Variants in SOX6 observed in about 807,000 individuals in gnomAD.
The protein encoded by SOX6 is SRY-box transcription factor 6, also known as transcription factor SOX-6.
A neutral mutation model predicts 97.8 loss-of-function variants in SOX6; 11 were observed. The observed-to-expected ratio is 0.11, with a 90% CI of 0.07 to 0.19. The LOEUF (loss-of-function observed/expected upper bound fraction) is 0.19, where lower values mean the gene tolerates loss of function less well. SOX6 is among the 10% of genes least tolerant of loss of function. The pLI is 1.00. For missense variants in SOX6, 810 were observed against 1,039.5 expected, an observed-to-expected ratio of 0.78 and a Z score of 3.04; for synonymous variants, 360 against 371.4, an observed-to-expected ratio of 0.97 and a Z score of 0.35.
intron 13 of SOX6, among the ~76,000 whole-genome samples, chr11:16,003,333 A>G: frequency 6.6e-6 from 1 of 152,014 alleles, no homozygotes; most frequent in East Asian, 1.9e-4. Flanking sequence ...CCATCTTGCA[A>G]TCACTCATTA....
At position 16,234,593 on chromosome 11, in the gene SOX6, C is replaced by T. The variant is rs1469055002; in HGVS notation, c.524G>A (p.Gly175Glu). The change falls in exon 4 of 16, where the codon GGA becomes GAA. Residue 175 changes from glycine to glutamate, a missense_variant. By Grantham distance (98) the Gly-to-Glu change is moderately conservative. This residue lies in a region of SOX6 where 110 missense variants were observed against 119.0 expected (regional missense o/e 0.92). Coordinates refer to ENST00000683767, the MANE Select transcript of SOX6 (RefSeq NM_001367873.1). ...MERLNTSELL[G>E]EIKGTPESLA... ...ATTTTATGTTGTACCTTTAATTTCTCCAAGAAGTTCACTGGTATTTAGTCT... is the reference window on the plus strand; with the variant it reads ...ATTTTATGTTGTACCTTTAATTTCTTCAAGAAGTTCACTGGTATTTAGTCT... The T allele has an allele frequency of 4.4e-6, 7 of 1,582,640 alleles. No homozygotes were observed. Among genetic ancestry groups the T allele is most frequent in the Non-Finnish European group, 6.1e-6 (7 of 1,155,158 alleles).
intron 2 of SOX6, among the ~76,000 whole-genome samples, chr11:16,333,797 A>G (rs1856380444): frequency 1.3e-5 from 2 of 152,110 alleles, no homozygotes; most frequent in African/African-American, 4.8e-5. Context: ...AATGCTATAG[A>G]CTCTAAGCTA....
At chr11:16,730,355 T>C (rs1848340289) in intron 2 of SOX6, among the ~76,000 whole-genome samples, 1 of 151,874 alleles carries the variant, frequency 6.6e-6, no homozygotes, top group African/African-American at 2.4e-5. Context: ...AGTAAAACAC[T>C]CCTCAGCAAA....
At chr11:16,034,704 A>T (rs1855472555) in intron 12 of SOX6, among the ~76,000 whole-genome samples, 1 of 152,360 alleles carries the variant, frequency 6.6e-6, no homozygotes, top group East Asian at 1.9e-4. Flanking sequence ...ACGAAGACTT[A>T]TACAGACAAC....
intron 3 of SOX6, among the ~76,000 whole-genome samples, chr11:16,689,219 A>T (rs1015304545): frequency 1.3e-5 from 2 of 152,132 alleles, no homozygotes; most frequent in African/African-American, 2.4e-5. Flanking sequence ...CCCTTTGCAG[A>T]TCTCTGGAGT....
At chr11:15,973,232 C>T in intron 15 of SOX6, 120 bp from the exon 16 acceptor site, 1 of 959,090 alleles carries the variant, frequency 1.0e-6, no homozygotes, top group Admixed American at 2.2e-5. Context: ...TGTTAAATAA[C>T]ATTCTAAGCA....
rs938466239 is a variant in SOX6 at position 16,613,145 on chromosome 11, G to A, written n.430-885C>T. On this transcript the variant is annotated intron_variant and non_coding_transcript_variant, in intron 3 of 5. Coordinates refer to the SOX6 transcript ENST00000524520. The surrounding 1 kb of genome is among the most constrained non-coding windows in gnomAD (Gnocchi z 4.6). ...GTGTTAGGCAGGAAAGCGCCTACGG[G>A]AAAAACAGCTGGGATGCAGACGGGC... The A allele has an allele frequency of 3.3e-5, 5 of 152,232 alleles. No homozygotes were observed. Among genetic ancestry groups the A allele is most frequent in the East Asian group, 1.9e-4 (1 of 5,178 alleles). 9.4% of individuals were successfully genotyped at this position (152,232 alleles called of 1,614,324 possible). A position where few individuals can be genotyped will look rare whatever the true frequency, so the allele number is the denominator to read the frequency against.
intron 9 of SOX6, among the ~76,000 whole-genome samples, chr11:16,088,654 T>C (rs1281490863): frequency 6.6e-6 from 1 of 152,196 alleles, no homozygotes; most frequent in Non-Finnish European, 1.5e-5. Flanking sequence ...AGTGTTAAGT[T>C]ATTCCAACAG....
chr11:16,524,140 C>T (rs1483542450), intron 4 of SOX6, among the ~76,000 whole-genome samples: 1 of 152,158 alleles, frequency 6.6e-6, no homozygotes, highest in African/African-American at 2.4e-5. Flanking sequence ...AGGACAGCAT[C>T]ATCCTGATAC....
chr11:16,640,759 CTCTT>C (rs1848897277), intron 3 of SOX6, among the ~76,000 whole-genome samples: 2 of 152,100 alleles, frequency 1.3e-5, no homozygotes, highest in African/African-American at 4.8e-5. Flanking sequence ...TGGTGATATT[CTCTT>C]TATCATTTTT....
chr11:16,374,116 A>G (rs757537749), intron 1 of SOX6, among the ~76,000 whole-genome samples: 1 of 152,100 alleles, frequency 6.6e-6, no homozygotes, highest in Non-Finnish European at 1.5e-5. Context: ...TAAGTCATAA[A>G]GCCAAATCTT....
At chr11:16,259,400 C>A (rs1271695164) in intron 3 of SOX6, among the ~76,000 whole-genome samples, 4 of 151,754 alleles carry the variant, frequency 2.6e-5, no homozygotes, top group Non-Finnish European at 5.9e-5. Context: ...AATTAAAATC[C>A]CAGTAAGTAT....
intron 6 of SOX6, among the ~76,000 whole-genome samples, chr11:16,125,450 T>C (rs1039893484): frequency 6.6e-6 from 1 of 152,088 alleles, no homozygotes. Flanking sequence ...GATCGATATA[T>C]ACAAACTGGC....
chr11:16,112,053 A>C (rs754385137), intron 6 of SOX6, 130 bp from the exon 7 acceptor site: 144 of 1,150,920 alleles, frequency 1.3e-4, no homozygotes, highest in Non-Finnish European at 1.7e-4. Context: ...CAAATCTGCA[A>C]TCTGAGAAAA....
At chr11:16,479,998 C>T (rs1860315186), upstream of SOX6, among the ~76,000 whole-genome samples, 1 of 151,970 alleles carries the variant, frequency 6.6e-6, no homozygotes, top group South Asian at 2.1e-4. Flanking sequence ...TATAACACTA[C>T]TCTGTAATTA....
At chr11:16,167,578 A>G (rs1234026816) in intron 6 of SOX6, among the ~76,000 whole-genome samples, 2 of 151,910 alleles carry the variant, frequency 1.3e-5, no homozygotes, top group African/African-American at 2.4e-5. Flanking sequence ...TCTTTCGTTC[A>G]CTCACTAAAA....
intron 3 of SOX6, among the ~76,000 whole-genome samples, chr11:16,238,939 C>T (rs1000177582): frequency 2.0e-4 from 31 of 151,978 alleles, no homozygotes; most frequent in African/African-American, 7.2e-4. Context: ...TCATAAATTT[C>T]AAATGTAATA....
At chr11:16,644,523 A>C (rs1176484263) in intron 3 of SOX6, among the ~76,000 whole-genome samples, 1 of 152,084 alleles carries the variant, frequency 6.6e-6, no homozygotes, top group African/African-American at 2.4e-5. Context: ...AATTCCTATT[A>C]AAATTTCTTT....
chr11:16,178,590 TC>T (rs1174695739), intron 6 of SOX6, among the ~76,000 whole-genome samples: 1 of 151,956 alleles, frequency 6.6e-6, no homozygotes, highest in Non-Finnish European at 1.5e-5. Flanking sequence ...ATCCTAGACT[TC>T]TAAGCTTTGT....
Sources: allele counts gnomAD v4.1 joint callset (sites outside exome capture counted in the v4.1 genomes callset), GRCh38; gene constraint gnomAD v4.1.1; regional missense constraint gnomAD v4.1.1; non-coding constraint Gnocchi (gnomAD v3.1); transcripts MANE v1.5; gene names NCBI Gene and HGNC (gene_info 2026-07-23, HGNC 2026-07-21).